Variants in GALNTL6 observed in about 807,000 individuals in gnomAD.
GALNTL6 encodes polypeptide N-acetylgalactosaminyltransferase like 6.
Under a neutral mutation model 73.7 loss-of-function variants are expected in GALNTL6, and 46 were observed. The ratio of observed to expected loss-of-function variants is 0.62; its 90% CI spans 0.49 to 0.80. The LOEUF (loss-of-function observed/expected upper bound fraction) is 0.80. GALNTL6 is among the 30% of genes least tolerant of loss of function. The pLI is 0.00. For synonymous variants in GALNTL6, 259 were observed against 263.7 expected (o/e 0.98, Z 0.17); for missense variants, 604 against 755.0 (o/e 0.80, Z 2.34).
At chr4:172,924,891 G>C (rs1248479723) in intron 8 of GALNTL6, among the ~76,000 whole-genome samples, 1 of 151,756 alleles carries the variant, frequency 6.6e-6, no homozygotes, top group Middle Eastern at 3.4e-3. Flanking sequence ...TTGTTTTTTC[G>C]AGACAGAGTT....
intron 5 of GALNTL6, among the ~76,000 whole-genome samples, chr4:172,355,264 A>G (rs1044536112): frequency 6.6e-5 from 10 of 152,078 alleles, no homozygotes; most frequent in Admixed American, 6.6e-5. Context: ...TTTAATTTAC[A>G]AAGATATATT....
intron 2 of GALNTL6, among the ~76,000 whole-genome samples, chr4:172,064,876 ACT>A (rs1731312974): frequency 6.6e-6 from 1 of 152,140 alleles, no homozygotes; most frequent in South Asian, 2.1e-4. Context: ...AACAATAATC[ACT>A]ATTTTTCAAT....
At chr4:171,949,462 A>T (rs6839553) in intron 2 of GALNTL6, among the ~76,000 whole-genome samples, 40,463 of 152,058 alleles carry the variant, frequency 0.27, 6,162 homozygotes, top group African/African-American at 0.42. Context: ...TTTCACAGAT[A>T]AACTTTTTTG....
chr4:172,677,071 G>C (rs570775208), intron 5 of GALNTL6, among the ~76,000 whole-genome samples: 4 of 152,030 alleles, frequency 2.6e-5, no homozygotes, highest in African/African-American at 4.8e-5. Flanking sequence ...TTAAACACCC[G>C]GTCTAGCTAA....
intron 7 of GALNTL6, among the ~76,000 whole-genome samples, chr4:172,820,687 G>C (rs1158203979): frequency 1.3e-5 from 2 of 152,140 alleles, no homozygotes; most frequent in African/African-American, 4.8e-5. Flanking sequence ...GGTAGAGTGG[G>C]AGAACTTTGT....
intron 5 of GALNTL6, among the ~76,000 whole-genome samples, chr4:172,517,349 C>T (rs1006692859): frequency 6.6e-6 from 1 of 152,024 alleles, no homozygotes; most frequent in African/African-American, 2.4e-5. Flanking sequence ...AATACAGGTT[C>T]AACACATCTT....
chr4:171,924,389 G>A (rs1288518880), intron 2 of GALNTL6, among the ~76,000 whole-genome samples: 1 of 152,132 alleles, frequency 6.6e-6, no homozygotes, highest in Non-Finnish European at 1.5e-5. Context: ...AGGTGAGGGA[G>A]CTAGTTACAG....
intron 5 of GALNTL6, among the ~76,000 whole-genome samples, chr4:172,597,637 T>A (rs1294032488): frequency 6.6e-6 from 1 of 152,192 alleles, no homozygotes; most frequent in Non-Finnish European, 1.5e-5. Context: ...GACCAGTGAC[T>A]GACATTCCAT....
intron 5 of GALNTL6, among the ~76,000 whole-genome samples, chr4:172,756,803 T>C (rs1737782297): frequency 6.6e-6 from 1 of 151,826 alleles, no homozygotes; most frequent in Admixed American, 6.6e-5. Context: ...AAGGTTGACT[T>C]CTCTGTTTCC....
intron 10 of GALNTL6, among the ~76,000 whole-genome samples, chr4:173,007,113 C>G (rs1177975136): frequency 6.6e-6 from 1 of 152,186 alleles, no homozygotes; most frequent in Non-Finnish European, 1.5e-5. Flanking sequence ...ATGAACTACT[C>G]TTTCCACCAC....
chr4:172,630,738 C>A (rs139532260), intron 5 of GALNTL6, among the ~76,000 whole-genome samples: 1 of 150,170 alleles, frequency 6.7e-6, no homozygotes, highest in Non-Finnish European at 1.5e-5. Flanking sequence ...ATATAAATAA[C>A]GTATATGCAT....
In GALNTL6 at chr4:172,071,402, CG is replaced by C. The variant is rs543464084; in HGVS notation, c.139-158253del. ...TACACTGATGATAAATGTGTGCCAT[CG>C]TTATTAAAACATTATCCTGTCAGAA... On this transcript the variant is annotated intron_variant, in intron 2 of 12. Transcript: ENST00000506823. Among the ~76,000 whole-genome samples, 22 of 110,082 alleles carry C rather than the reference CG, an allele frequency of 2.0e-4. 6 individuals are homozygous for C. The highest frequency in any genetic ancestry group is 3.2e-4 in the Non-Finnish European group (16 of 49,370). 72.2% of individuals were successfully genotyped at this position (110,082 alleles called of 152,430 possible). A position where few individuals can be genotyped will look rare whatever the true frequency, so the allele number is the denominator to read the frequency against.
At chr4:172,215,046 A>T (rs1420618435) in intron 2 of GALNTL6, among the ~76,000 whole-genome samples, 1 of 144,768 alleles carries the variant, frequency 6.9e-6, no homozygotes, top group Non-Finnish European at 1.5e-5. Flanking sequence ...TGTGTTATAT[A>T]ATCTCCAAGT....
At chr4:173,002,919 G>T (rs1752112538) in intron 10 of GALNTL6, among the ~76,000 whole-genome samples, 1 of 152,104 alleles carries the variant, frequency 6.6e-6, no homozygotes, top group Non-Finnish European at 1.5e-5. Context: ...TTTATATGAG[G>T]TTTACAAAAT....
chr4:172,110,217 C>T (rs1400563358), intron 2 of GALNTL6, among the ~76,000 whole-genome samples: 1 of 152,060 alleles, frequency 6.6e-6, no homozygotes, highest in Non-Finnish European at 1.5e-5. Flanking sequence ...TTGGATACAG[C>T]TAAGGCAAGA....
At chr4:171,929,657 C>T (rs1027040095) in intron 2 of GALNTL6, among the ~76,000 whole-genome samples, 1 of 152,212 alleles carries the variant, frequency 6.6e-6, no homozygotes, top group Admixed American at 6.5e-5. Flanking sequence ...CTGGTCAGAC[C>T]GCACCTCATT....
intron 2 of GALNTL6, among the ~76,000 whole-genome samples, chr4:171,926,247 A>T (rs1157952840): frequency 6.6e-6 from 1 of 152,074 alleles, no homozygotes; most frequent in Non-Finnish European, 1.5e-5. Flanking sequence ...TGCCATTTCA[A>T]TTTTCAAATG....
intron 5 of GALNTL6, among the ~76,000 whole-genome samples, chr4:172,455,674 C>A (rs1189892707): frequency 2.6e-5 from 4 of 152,152 alleles, no homozygotes; most frequent in Non-Finnish European, 5.9e-5. Context: ...CCTCTCTGGG[C>A]AGGTCAAGTC....
In GALNTL6 at chr4:172,323,723, A is replaced by G. The variant is rs143250181; in HGVS notation, c.386+11971A>G. ...GATCTGGATTTCACAGAATTTAACT[A>G]CCTGAACTGTCATCTATCAGTAAAG... On this transcript the variant is annotated intron_variant, in intron 4 of 12. Transcript: ENST00000506823. 4.8e-3 allele frequency among the ~76,000 whole-genome samples: 725 copies of G among 152,226 alleles called. 13 individuals carry two copies. The highest frequency in any genetic ancestry group is 0.03 in the East Asian group (158 of 5,182).
Sources: gnomAD v4.1 joint callset for allele counts (sites outside exome capture counted in the v4.1 genomes callset) on GRCh38, gnomAD v4.1.1 for gene constraint, MANE v1.5 for transcripts, NCBI Gene and HGNC (gene_info 2026-07-23, HGNC 2026-07-21) for gene names.